SNAP91: variants seen among roughly 807,000 people sequenced by gnomAD.
SNAP91 encodes synaptosome associated protein 91, also known as clathrin coat assembly protein AP180.
SNAP91 carries 27 observed loss-of-function variants against 100.3 expected under a neutral mutation model. That is an observed-to-expected ratio of 0.27 (90% CI 0.20 to 0.37). The LOEUF (loss-of-function observed/expected upper bound fraction) is 0.37, where lower values mean the gene tolerates loss of function less well. SNAP91 is among the 10% of genes least tolerant of loss of function. The probability of loss-of-function intolerance (pLI) is 1.00; values close to 1 mark genes in which losing one functional copy is unlikely to be tolerated. For synonymous variants in SNAP91, 404 were observed against 398.6 expected (o/e 1.01, Z -0.16); for missense variants, 986 against 1,123.7 (o/e 0.88, Z 1.75).
At chr6:83,643,691 T>C (rs1023636154) in intron 7 of SNAP91, among the ~76,000 whole-genome samples, 5 of 152,214 alleles carry the variant, frequency 3.3e-5, no homozygotes, top group South Asian at 2.1e-4. Flanking sequence ...AGTTTAGTAA[T>C]ATATAATTAC....
intron 22 of SNAP91, among the ~76,000 whole-genome samples, chr6:83,590,917 A>C (rs1240732027): frequency 2.0e-5 from 3 of 152,150 alleles, no homozygotes; most frequent in Non-Finnish European, 2.9e-5. Flanking sequence ...ATGTCTTTTA[A>C]AATTATTTTT....
At chr6:83,686,433 A>T (rs1379085108) in intron 2 of SNAP91, among the ~76,000 whole-genome samples, 3 of 152,182 alleles carry the variant, frequency 2.0e-5, no homozygotes, top group Non-Finnish European at 4.4e-5. Context: ...GTTTTATTCA[A>T]ATTTAAACAT....
chr6:83,601,191 G>A lies in SNAP91; in HGVS notation c.1324+80C>T, dbSNP rs1051382613. ...ACACTCTGACATGCTGTTACATAAC[G>A]GAAAAAATTTTAAAGACCTTAACTC... On this transcript the variant is annotated intron_variant, in intron 16 of 29. Transcript: ENST00000369694. 4.9e-5 allele frequency: 68 copies of A among 1,386,182 alleles called. 1 individual carries two copies. The South Asian group carries it at 5.2e-4, about 11-fold the overall frequency. The allele number at this position is 1,386,182 out of a possible 1,614,324, so 85.9% of individuals were successfully genotyped here.
At chr6:83,639,790 A>G (rs1325571693) in intron 8 of SNAP91, among the ~76,000 whole-genome samples, 1 of 152,172 alleles carries the variant, frequency 6.6e-6, no homozygotes, top group Non-Finnish European at 1.5e-5. Flanking sequence ...GGATGAATGT[A>G]CACCAAGATT....
At chr6:83,688,238 A>G (rs2099086425) in intron 2 of SNAP91, among the ~76,000 whole-genome samples, 1 of 152,042 alleles carries the variant, frequency 6.6e-6, no homozygotes, top group South Asian at 2.1e-4. Flanking sequence ...CTTTTTATCT[A>G]GTCTCCTTTT....
rs150296504 is a variant in SNAP91, at chr6:83,569,593, T to C, written c.2442+5417A>G. Among the ~76,000 whole-genome samples, 886 of 152,288 alleles carry C rather than the reference T, an allele frequency of 5.8e-3. 8 individuals are homozygous for C. Among genetic ancestry groups the C allele is most frequent in the African/African-American group, 0.02 (844 of 41,558 alleles). On this transcript the variant is annotated intron_variant, in intron 26 of 29. Transcript: ENST00000369694. Reference sequence around the variant, plus strand: ...GTTCCCTTCTGGGTTAGTGGCCTCATTATTTGGCAAACTGCCTCACACAGA... The same window carrying C: ...GTTCCCTTCTGGGTTAGTGGCCTCACTATTTGGCAAACTGCCTCACACAGA...
intron 27 of SNAP91, 85 bp downstream of exon 27, chr6:83,560,779 A>C: frequency 8.5e-7 from 1 of 1,175,152 alleles, no homozygotes; most frequent in Non-Finnish European, 1.2e-6. Context: ...GAAAAATTAT[A>C]TTCTGTAGGA....
intron 26 of SNAP91, among the ~76,000 whole-genome samples, chr6:83,570,883 G>A (rs1487131357): frequency 6.6e-6 from 1 of 152,170 alleles, no homozygotes; most frequent in Non-Finnish European, 1.5e-5. Flanking sequence ...GGAAATGTGG[G>A]ATGGGGGCCC....
intron 23 of SNAP91, among the ~76,000 whole-genome samples, chr6:83,581,458 A>G (rs1828340965): frequency 6.6e-6 from 1 of 152,212 alleles, no homozygotes; most frequent in Admixed American, 6.5e-5. Flanking sequence ...CAAAATGCAG[A>G]CACATAGCAT....
At chr6:83,693,258 A>T (rs1329967715) in intron 2 of SNAP91, among the ~76,000 whole-genome samples, 1 of 152,114 alleles carries the variant, frequency 6.6e-6, no homozygotes, top group Non-Finnish European at 1.5e-5. Flanking sequence ...CTCCTCTGTA[A>T]ACTGGGAATA....
At chr6:83,565,156 T>A (rs1794821877) in intron 26 of SNAP91, among the ~76,000 whole-genome samples, 2 of 151,882 alleles carry the variant, frequency 1.3e-5, no homozygotes, top group African/African-American at 2.4e-5. Context: ...ATAATTACTT[T>A]GAGCTGAAGG....
chr6:83,657,943 T>C (rs2098447553), intron 6 of SNAP91, among the ~76,000 whole-genome samples: 1 of 150,118 alleles, frequency 6.7e-6, no homozygotes, highest in East Asian at 2.0e-4. Flanking sequence ...TTTTTTTTTT[T>C]TTTTTTTGGT....
At position 83,592,950 on chromosome 6, in the gene SNAP91, T is replaced by G; in HGVS notation, c.1842A>C (p.Leu614Phe). 1 of 1,579,920 alleles carries G rather than the reference T, an allele frequency of 6.3e-7. No individual in the cohort carries two copies. Among genetic ancestry groups the G allele is most frequent in the African/African-American group, 1.3e-5 (1 of 74,202 alleles). Residue 614 changes from leucine (L) to phenylalanine (F), a missense_variant, in exon 20 of 30, where the codon TTA becomes TTC. Transcript: ENST00000369694. ...TGACCTTGGCAAAGCACTCACCAGA[T>G]AAGAGGTCAGCAGTGAGAGAACTCT... ...VPESSLTADLLSVDAFAAPSP... is the reference protein window; with the variant it reads ...VPESSLTADLFSVDAFAAPSP...
chr6:83,646,515 T>A (rs983407791), intron 7 of SNAP91, among the ~76,000 whole-genome samples: 2 of 152,180 alleles, frequency 1.3e-5, no homozygotes, highest in African/African-American at 4.8e-5. Context: ...CAGGTTATAT[T>A]AATGTGGATT....
intron 22 of SNAP91, among the ~76,000 whole-genome samples, chr6:83,583,931 A>G (rs1832097428): frequency 6.6e-6 from 1 of 152,186 alleles, no homozygotes; most frequent in South Asian, 2.1e-4. Context: ...AAAGTTTTTT[A>G]TTAGATGATC....
chr6:83,573,062 T>A (rs1241171913), intron 26 of SNAP91, among the ~76,000 whole-genome samples: 1 of 152,184 alleles, frequency 6.6e-6, no homozygotes, highest in Non-Finnish European at 1.5e-5. Flanking sequence ...AAAGTGGGAC[T>A]AAAGACTTGT....
intron 22 of SNAP91, 31 bp downstream of exon 22, chr6:83,591,180 C>G (rs764266611): frequency 7.3e-7 from 1 of 1,374,666 alleles, no homozygotes; most frequent in Non-Finnish European, 1.0e-6. Context: ...CCAAATTTAA[C>G]TTCTACAAAA....
intron 26 of SNAP91, among the ~76,000 whole-genome samples, chr6:83,562,207 A>C (rs1562100113): frequency 6.6e-6 from 1 of 152,200 alleles, no homozygotes; most frequent in Non-Finnish European, 1.5e-5. Context: ...CCCTGACACC[A>C]AAGGCAAACA....
At chr6:83,673,305 A>G (rs977636833) in intron 2 of SNAP91, among the ~76,000 whole-genome samples, 3 of 152,106 alleles carry the variant, frequency 2.0e-5, no homozygotes, top group African/African-American at 7.2e-5. Context: ...TAGAGGCCTC[A>G]TGAATGGGAT....
Sources: gnomAD v4.1 joint callset for allele counts (sites outside exome capture counted in the v4.1 genomes callset) on GRCh38, gnomAD v4.1.1 for gene constraint, MANE v1.5 for transcripts, NCBI Gene and HGNC (gene_info 2026-07-23, HGNC 2026-07-21) for gene names.